The following NOTCH1 variants were observed in gnomAD, a reference collection of about 807,000 sequenced individuals.
The protein encoded by NOTCH1 is notch receptor 1.
Under a neutral mutation model 254.8 loss-of-function variants are expected in NOTCH1, and 37 were observed. That is an observed-to-expected ratio of 0.15 (90% CI 0.11 to 0.19). The LOEUF is 0.19. NOTCH1 is among the 10% of genes least tolerant of loss of function. The pLI is 1.00. For synonymous variants in NOTCH1, 1,731 were observed against 1,618.1 expected, an observed-to-expected ratio of 1.07 and a Z score of -1.68; for missense variants, 2,972 against 3,708.6, an observed-to-expected ratio of 0.80 and a Z score of 5.16.
At chr9:136,509,119 T>C (rs1343009187) in intron 18 of NOTCH1, 48 bp from the exon 19 acceptor site, 1 of 1,497,536 alleles carries the variant, frequency 6.7e-7, no homozygotes, top group African/African-American at 1.4e-5. Flanking sequence ...CATTGGTGGG[T>C]CCCCGCTCCA....
chr9:136,499,704 G>A (rs761799264), intron 31 of NOTCH1, among the ~76,000 whole-genome samples: 6 of 152,206 alleles, frequency 3.9e-5, no homozygotes, highest in Admixed American at 6.5e-5. Context: ...TAATGCAGCC[G>A]GGTCTTGGCA....
intron 27 of NOTCH1, 31 bp downstream of exon 27, chr9:136,503,151 G>C (rs1843027194): frequency 6.2e-7 from 1 of 1,612,218 alleles, no homozygotes; most frequent in Admixed American, 1.7e-5. Flanking sequence ...CCTGCAGGCA[G>C]AGCCTGTTCC....
At chr9:136,526,630 T>C (rs868260615) in intron 2 of NOTCH1, among the ~76,000 whole-genome samples, 7 of 152,168 alleles carry the variant, frequency 4.6e-5, no homozygotes, top group Non-Finnish European at 7.4e-5. Flanking sequence ...TCACAGGACA[T>C]TGGCTGTCCC....
chr9:136,517,470 C>A (rs1843294648), intron 8 of NOTCH1, 85 bp from the exon 9 acceptor site: 2 of 1,016,390 alleles, frequency 2.0e-6, no homozygotes, highest in African/African-American at 1.6e-5. Flanking sequence ...CAGAAACGAA[C>A]CCTGCCTCCA....
At position 136,496,191 on chromosome 9, in the gene NOTCH1, G is replaced by C. The variant is rs777147718; in HGVS notation, c.7548C>G (p.Ser2516=). ...GGGACGAGCTGGACCACTGGTCAGG[G>C]GACTCAGGGGACGGGGTGAGGAAGG... is the stretch of plus-strand genomic sequence containing the variant. ...EHPFLTPSPE[S]PDQWSSSSPH... is the part of the protein sequence containing the mutation. The change falls in exon 34 of 34, where the codon TCC becomes TCG. Residue 2516 remains serine (S), a synonymous_variant. Transcript: ENST00000651671. The C allele has an allele frequency of 6.2e-7, 1 of 1,610,332 alleles. No individual in the cohort carries two copies. Among genetic ancestry groups the C allele is most frequent in the South Asian group, 1.1e-5 (1 of 90,266 alleles).
In NOTCH1 at chr9:136,496,964, C is replaced by T; in HGVS notation, c.6775G>A (p.Gly2259Ser). The T allele has an allele frequency of 6.2e-7, 1 of 1,610,752 alleles. No homozygotes were observed. Among genetic ancestry groups the T allele is most frequent in the Non-Finnish European group, 8.5e-7 (1 of 1,179,246 alleles). Reference protein sequence around the residue: ...VAAKPEMAALGGGGRLAFETG... With the variant: ...VAAKPEMAALSGGGRLAFETG... Reference sequence around the variant, plus strand: ...TCAAAGGCCAGCCGGCCGCCCCCACCCAGCGCCGCCATCTCGGGCTTGGCC... The same window carrying T: ...TCAAAGGCCAGCCGGCCGCCCCCACTCAGCGCCGCCATCTCGGGCTTGGCC... Residue 2259 changes from glycine to serine, a missense_variant, in exon 34 of 34, where the codon GGT becomes AGT. Around this residue, in one of 8 missense-constraint regions of NOTCH1, gnomAD observed 529 missense variants for 529.2 expected, o/e 1.00. Coordinates refer to ENST00000651671, the MANE Select transcript of NOTCH1 (RefSeq NM_017617.5).
rs200814776 is a variant in NOTCH1, at chr9:136,496,764, A to G, written c.6975T>C (p.Pro2325=). 3.5e-4 allele frequency: 571 copies of G among 1,612,694 alleles called. No individual in the cohort carries two copies. The highest frequency in any genetic ancestry group is 4.5e-4 in the Non-Finnish European group (526 of 1,180,004). The change falls in exon 34 of 34, where the codon CCT becomes CCC. Residue 2325 remains proline, a synonymous_variant. Coordinates refer to ENST00000651671, the MANE Select transcript of NOTCH1 (RefSeq NM_017617.5). ...QSGMVPNQYN[P]LRGSVAPGPL... is the part of the protein sequence containing the mutation. ...GGCCTGGTGCCACACTCCCCCGCAG[A>G]GGGTTGTATTGGTTCGGCACCATGC... is the stretch of plus-strand genomic sequence containing the variant.
rs201158068 is a variant in NOTCH1 at position 136,518,727 on chromosome 9, G to A, written c.963C>T (p.Cys321=). Residue 321 remains cysteine (C), a synonymous_variant, in exon 6 of 34, where the codon TGC becomes TGT. Transcript: ENST00000651671. ...TCHNTHGGYN[C]VCVNGWTGED... ...CACCAGTCCAGCCGTTGACACACAC[G>A]CAGTTGTAGCCACCGTGGGTGTTGT... is the stretch of plus-strand genomic sequence containing the variant. 117 of 1,612,922 alleles carry A rather than the reference G, an allele frequency of 7.3e-5. No homozygotes were observed. Among genetic ancestry groups the A allele is most frequent in the Admixed American group, 3.7e-4 (22 of 60,024 alleles).
intron 17 of NOTCH1, chr9:136,510,441 C>CGTG: frequency 1.6e-6 from 1 of 637,734 alleles, no homozygotes. Context: ...GTGACTCTTC[C>CGTG]GCGAAGTGCA....
intron 2 of NOTCH1, among the ~76,000 whole-genome samples, chr9:136,528,237 G>A (rs1461283527): frequency 6.8e-6 from 1 of 147,126 alleles, no homozygotes; most frequent in Non-Finnish European, 1.5e-5. Flanking sequence ...AGAGGGGTGG[G>A]GGTGTGGGGT....
chr9:136,526,662 C>T (rs1445031944), intron 2 of NOTCH1, among the ~76,000 whole-genome samples: 1 of 152,232 alleles, frequency 6.6e-6, no homozygotes, highest in Non-Finnish European at 1.5e-5. Context: ...CGACACTCTG[C>T]CCGGACACCG....
intron 26 of NOTCH1, 111 bp from the exon 27 acceptor site, chr9:136,503,441 T>C: frequency 6.5e-7 from 1 of 1,529,802 alleles, no homozygotes; most frequent in Non-Finnish European, 8.9e-7. Context: ...AGTCAGGACA[T>C]GGTGAGGCAG....
At chr9:136,508,833 C>A (rs1242066653) in intron 19 of NOTCH1, 37 bp downstream of exon 19, 2 of 1,521,000 alleles carry the variant, frequency 1.3e-6, no homozygotes, top group Admixed American at 4.0e-5. Context: ...CCACCCAGGG[C>A]CCCTCCTTCG....
rs570243846 is a variant in NOTCH1, at chr9:136,502,563, C to T, written c.5168-75G>A. ...ACGCAGCAGGCTGGTGGCCGGGGGG[C>T]GGCGGACTGGCTCCGCGTCCGGGCG... On this transcript the variant is annotated intron_variant, in intron 27 of 33. Transcript: ENST00000651671. 2.8e-4 allele frequency: 274 copies of T among 970,358 alleles called. No individual in the cohort carries two copies. The African/African-American group carries it at 4.2e-3, about 15-fold the overall frequency. The allele number at this position is 970,358 out of a possible 1,614,324, so 60.1% of individuals were successfully genotyped here. A position where few individuals can be genotyped will look rare whatever the true frequency, so the allele number is the denominator to read the frequency against.
chr9:136,495,262 G>T lies in NOTCH1; in HGVS notation c.*809C>A. ...GACATGCATGATGCCTACATTTCAA[G>T]AACGGGCAGGGGGCCGGGGTGGTTC... On this transcript the variant is annotated 3_prime_UTR_variant, in exon 34 of 34. Transcript: ENST00000651671. The T allele has an allele frequency of 5.0e-6, 2 of 399,020 alleles. No individual in the cohort carries two copies. Among genetic ancestry groups the T allele is most frequent in the East Asian group, 3.5e-5 (1 of 28,218 alleles). 24.7% of individuals were successfully genotyped at this position (399,020 alleles called of 1,614,324 possible). A position where few individuals can be genotyped will look rare whatever the true frequency, so the allele number is the denominator to read the frequency against.
At chr9:136,544,750 C>CA (rs1371646459) in intron 1 of NOTCH1, among the ~76,000 whole-genome samples, 1 of 152,188 alleles carries the variant, frequency 6.6e-6, no homozygotes, top group Admixed American at 6.5e-5. Flanking sequence ...CGCCGACACC[C>CA]AATACCTGCC....
intron 31 of NOTCH1, among the ~76,000 whole-genome samples, chr9:136,499,655 G>A (rs150732334): frequency 0.01 from 1,537 of 147,220 alleles, 17 homozygotes; most frequent in Non-Finnish European, 0.018. Context: ...CGCCGAGCTA[G>A]TGTCCGGCTC....
At position 136,515,292 on chromosome 9, in the gene NOTCH1, G is replaced by T. The variant is rs2133362310; in HGVS notation, c.2012C>A (p.Thr671Lys). ...GYECACEPGY[T>K]GSMCNINIDE... is the part of the protein sequence containing the mutation. The stretch of plus-strand genomic sequence containing the variant: ...CCCCCACGTGCAGGGCCGCTCACCT[G>T]TGTAGCCCGGCTCACAGGCACACTC... Residue 671 changes from threonine (T) to lysine (K), a missense_variant and splice_region_variant, in exon 12 of 34, where the codon ACA becomes AAA. By Grantham distance (78) the Thr-to-Lys change is moderately conservative. Transcript: ENST00000651671. The T allele has an allele frequency of 6.2e-7, 1 of 1,612,632 alleles. No homozygotes were observed. The highest frequency in any genetic ancestry group is 8.5e-7 in the Non-Finnish European group (1 of 1,179,802).
intron 9 of NOTCH1, among the ~76,000 whole-genome samples, chr9:136,517,049 C>T (rs1259309370): frequency 6.6e-6 from 1 of 150,588 alleles, no homozygotes; most frequent in Non-Finnish European, 1.5e-5. Context: ...CTCAGGAGGC[C>T]GGGGTGCAGA....
Sources: allele counts gnomAD v4.1 joint callset (sites outside exome capture counted in the v4.1 genomes callset), GRCh38; gene constraint gnomAD v4.1.1; regional missense constraint gnomAD v4.1.1; transcripts MANE v1.5; gene names NCBI Gene and HGNC (gene_info 2026-07-23, HGNC 2026-07-21).